The following AGAP1 variants were observed in gnomAD, a reference collection of about 807,000 sequenced individuals.
AGAP1 encodes arf-GAP with GTPase, ANK repeat and PH domain-containing protein 1.
In AGAP1, 29 loss-of-function variants were observed where a neutral mutation model predicts 105.3. That is an observed-to-expected ratio of 0.28 (90% CI 0.21 to 0.38). AGAP1 has a LOEUF of 0.38. AGAP1 is among the 10% of genes least tolerant of loss of function. The pLI is 1.00. For missense variants in AGAP1, 998 were observed against 1,165.1 expected (o/e 0.86, Z 2.09); for synonymous variants, 509 against 485.9 (o/e 1.05, Z -0.63).
At chr2:235,925,080 C>A (rs1292542966) in intron 11 of AGAP1, among the ~76,000 whole-genome samples, 3 of 152,230 alleles carry the variant, frequency 2.0e-5, no homozygotes, top group South Asian at 2.1e-4. Flanking sequence ...TACTCACCCC[C>A]CAAAGTAGGC....
At chr2:235,738,567 T>C (rs1419501175) in intron 3 of AGAP1, among the ~76,000 whole-genome samples, 11 of 151,610 alleles carry the variant, frequency 7.3e-5, no homozygotes, top group East Asian at 1.9e-4. Context: ...TTCTTTCTTT[T>C]TTTTTTTTGA....
chr2:236,008,235 G>A (rs1037952030), intron 13 of AGAP1, among the ~76,000 whole-genome samples: 1 of 152,158 alleles, frequency 6.6e-6, no homozygotes, highest in Non-Finnish European at 1.5e-5. Context: ...CCAAGGCCTC[G>A]TCGGTTTCTG....
intron 1 of AGAP1, among the ~76,000 whole-genome samples, chr2:235,684,057 T>C (rs541632115): frequency 1.6e-4 from 25 of 152,158 alleles, no homozygotes; most frequent in Non-Finnish European, 3.4e-4. Context: ...GTTTGTTTGT[T>C]TTGAGATGGA....
chr2:235,697,611 T>C (rs1226956332), intron 1 of AGAP1, among the ~76,000 whole-genome samples: 2 of 152,216 alleles, frequency 1.3e-5, no homozygotes, highest in East Asian at 3.9e-4. Flanking sequence ...TAGTCTGCTC[T>C]TGTGGCGAAA....
chr2:235,873,537 T>C (rs1428010555), intron 9 of AGAP1, among the ~76,000 whole-genome samples: 4 of 152,172 alleles, frequency 2.6e-5, no homozygotes, highest in Admixed American at 6.5e-5. Context: ...AATGCAGACA[T>C]GGACTCTCTG....
In AGAP1 at chr2:235,724,109, C is replaced by G. The variant is rs750793580; in HGVS notation, c.310+6465C>G. 6.6e-5 allele frequency among the ~76,000 whole-genome samples: 10 copies of G among 152,226 alleles called. No individual in the cohort carries two copies. The highest frequency in any genetic ancestry group is 1.2e-4 in the Non-Finnish European group (8 of 68,042). ...TTCCCGGGTCTTCATGAGCTTAATTCAGCAGGGGCTCCTTCCTTCAGTGAT... is the reference window on the plus strand; with the variant it reads ...TTCCCGGGTCTTCATGAGCTTAATTGAGCAGGGGCTCCTTCCTTCAGTGAT... On this transcript the variant is annotated intron_variant, in intron 3 of 17. Coordinates refer to ENST00000304032, the MANE Select transcript of AGAP1 (RefSeq NM_001037131.3). This position sits in a 1 kb window ranked among gnomAD's most constrained non-coding sequence, Gnocchi z 4.9.
intron 1 of AGAP1, among the ~76,000 whole-genome samples, chr2:235,567,804 C>T (rs1039387172): frequency 1.3e-4 from 20 of 151,284 alleles, no homozygotes; most frequent in African/African-American, 4.9e-4. Context: ...GGGGTCTGGG[C>T]CTGTAGGGGA....
intron 9 of AGAP1, among the ~76,000 whole-genome samples, chr2:235,878,338 T>C (rs376111301): frequency 1.6e-4 from 25 of 152,298 alleles, no homozygotes; most frequent in South Asian, 1.2e-3. Flanking sequence ...CCAGTGTTTC[T>C]CCTTCTCTTT....
At chr2:235,876,726 G>A (rs1220172816) in intron 9 of AGAP1, among the ~76,000 whole-genome samples, 4 of 152,226 alleles carry the variant, frequency 2.6e-5, no homozygotes, top group Non-Finnish European at 4.4e-5. Context: ...TACCTCCAGC[G>A]TGTTTCTTGC....
chr2:236,057,783 G>A (rs1002755526), intron 16 of AGAP1, among the ~76,000 whole-genome samples: 4 of 152,118 alleles, frequency 2.6e-5, no homozygotes, highest in Admixed American at 2.6e-4. Context: ...TCATTTCTAA[G>A]AAGAGACTAG....
At chr2:235,592,269 C>T (rs1160458846) in intron 1 of AGAP1, among the ~76,000 whole-genome samples, 2 of 152,066 alleles carry the variant, frequency 1.3e-5, no homozygotes, top group Non-Finnish European at 2.9e-5. Flanking sequence ...ATTCTGGGCA[C>T]CACGCGCCAG....
rs552661511 is a variant in AGAP1, at chr2:235,799,749, A to G, written c.957+227A>G. ...ACATTCCTGACTTCGTGTGTCTGAAATGAAGAGCTGGGGGTGTGTATAAAG... is the reference window on the plus strand; with the variant it reads ...ACATTCCTGACTTCGTGTGTCTGAAGTGAAGAGCTGGGGGTGTGTATAAAG... On this transcript the variant is annotated intron_variant, in intron 8 of 17. Coordinates refer to ENST00000304032, the MANE Select transcript of AGAP1 (RefSeq NM_001037131.3). This position sits in a 1 kb window ranked among gnomAD's most constrained non-coding sequence, Gnocchi z 5.0. Among the ~76,000 whole-genome samples, 1 of 152,308 alleles carries G rather than the reference A, an allele frequency of 6.6e-6. No homozygotes were observed. The highest frequency in any genetic ancestry group is 1.9e-4 in the East Asian group (1 of 5,182).
Position 235,834,428 on chromosome 2 carries a change from A to G in AGAP1, c.1050+27097A>G, listed in dbSNP as rs376696286. ...TCCTCTGTCCCTGCCTGCTGGAATA[A>G]CTGCTTCCCCCGCTGCGTCCTGTCC... On this transcript the variant is annotated intron_variant, in intron 9 of 17. Coordinates refer to ENST00000304032, the MANE Select transcript of AGAP1 (RefSeq NM_001037131.3). 1.4e-4 allele frequency among the ~76,000 whole-genome samples: 21 copies of G among 152,218 alleles called. 1 individual carries two copies. The highest frequency in any genetic ancestry group is 4.6e-4 in the African/African-American group (19 of 41,552).
At chr2:235,937,875 C>T (rs916808958) in intron 12 of AGAP1, among the ~76,000 whole-genome samples, 6 of 152,240 alleles carry the variant, frequency 3.9e-5, no homozygotes, top group Non-Finnish European at 8.8e-5. Flanking sequence ...AAAACACCAG[C>T]GGTGCCACGG....
chr2:235,964,648 TAAA>T lies in AGAP1; in HGVS notation c.1484-3811_1484-3809del, dbSNP rs1184314296. 2.0e-5 allele frequency among the ~76,000 whole-genome samples: 3 copies of T among 152,120 alleles called. No individual in the cohort carries two copies. Among genetic ancestry groups the T allele is most frequent in the Non-Finnish European group, 4.4e-5 (3 of 68,018 alleles). On this transcript the variant is annotated intron_variant, in intron 12 of 17. Transcript: ENST00000304032. This position sits in a 1 kb window ranked among gnomAD's most constrained non-coding sequence, Gnocchi z 4.6. ...CTTCTGAACACTGTTAAATCATAAA[TAAA>T]AATTAATTAGGCTCGCCCTTTTTTT...
At chr2:236,064,558 T>C (rs1487510931) in intron 16 of AGAP1, among the ~76,000 whole-genome samples, 1 of 152,354 alleles carries the variant, frequency 6.6e-6, no homozygotes, top group Admixed American at 6.5e-5. Flanking sequence ...ATCGTGCCAC[T>C]GCACTGCATT....
intron 9 of AGAP1, among the ~76,000 whole-genome samples, chr2:235,851,697 A>G (rs1050655329): frequency 6.6e-6 from 1 of 152,122 alleles, no homozygotes; most frequent in African/African-American, 2.4e-5. Context: ...GGAGCCCATG[A>G]ACAGAAAGAA....
chr2:235,637,461 T>C (rs1047817966), intron 1 of AGAP1, among the ~76,000 whole-genome samples: 1 of 151,864 alleles, frequency 6.6e-6, no homozygotes, highest in Non-Finnish European at 1.5e-5. Context: ...TTTTTTTTTT[T>C]TTGTAGAGAC....
chr2:235,533,721 G>A (rs1943117431), intron 1 of AGAP1, among the ~76,000 whole-genome samples: 1 of 152,188 alleles, frequency 6.6e-6, no homozygotes, highest in South Asian at 2.1e-4. Context: ...AATCAGTGTT[G>A]GGATTTTCTC....
Sources: allele counts gnomAD v4.1 joint callset (sites outside exome capture counted in the v4.1 genomes callset), GRCh38; gene constraint gnomAD v4.1.1; non-coding constraint Gnocchi (gnomAD v3.1); transcripts MANE v1.5; gene names NCBI Gene and HGNC (gene_info 2026-07-23, HGNC 2026-07-21).